RGPD3: variants seen among roughly 807,000 people sequenced by gnomAD.
The protein encoded by RGPD3 is RANBP2 like and GRIP domain containing 3, also known as ranBP2-like and GRIP domain-containing protein 3.
RGPD3 carries 62 observed loss-of-function variants against 154.5 expected under a neutral mutation model. That is an observed-to-expected ratio of 0.40 (90% CI 0.33 to 0.50). The LOEUF (loss-of-function observed/expected upper bound fraction) is 0.50. RGPD3 is among the 20% of genes least tolerant of loss of function. The pLI, the probability that RGPD3 is intolerant of heterozygous loss-of-function variation, is 0.59. For synonymous variants in RGPD3, 308 were observed against 607.0 expected (o/e 0.51, Z 7.24); for missense variants, 919 against 1,716.8 (o/e 0.54, Z 8.21).
In RGPD3 at chr2:106,448,835, C is replaced by T. The variant is rs546972897; in HGVS notation, c.783-1222G>A. Among the ~76,000 whole-genome samples, 6 of 151,440 alleles carry T rather than the reference C, an allele frequency of 4.0e-5. No individual in the cohort carries two copies. In the South Asian group the frequency reaches 6.3e-4, roughly 16 times the overall value. On this transcript the variant is annotated intron_variant, in intron 6 of 22. Transcript: ENST00000409886. ...CCTCCCGAGCAGCTGGGACTATAGGCGCGTACCAACATGCCCAGCTAATTT... is the reference window on the plus strand; with the variant it reads ...CCTCCCGAGCAGCTGGGACTATAGGTGCGTACCAACATGCCCAGCTAATTT...
intron 22 of RGPD3, among the ~76,000 whole-genome samples, chr2:106,409,598 C>A (rs1429439222): frequency 6.6e-6 from 1 of 151,828 alleles, no homozygotes; most frequent in African/African-American, 2.4e-5. Flanking sequence ...TTTTTAGGGG[C>A]AGTTTTACTC....
chr2:106,410,963 A>G (rs1676652585), intron 22 of RGPD3, among the ~76,000 whole-genome samples: 1 of 151,518 alleles, frequency 6.6e-6, no homozygotes. Context: ...ATTATAAAAA[A>G]CCAGATTCAA....
intron 22 of RGPD3, among the ~76,000 whole-genome samples, chr2:106,411,599 T>G (rs554597188): frequency 6.7e-6 from 1 of 150,182 alleles, no homozygotes; most frequent in Non-Finnish European, 1.5e-5. Flanking sequence ...GAGGCCAAGG[T>G]GGGCAGATCA....
chr2:106,450,024 A>T (rs1330148556), intron 6 of RGPD3, among the ~76,000 whole-genome samples: 2 of 148,248 alleles, frequency 1.3e-5, no homozygotes, highest in Non-Finnish European at 3.0e-5. Flanking sequence ...CTCAAAAAAA[A>T]AAAGATCGAG....
At chr2:106,407,433 C>G (rs1429207990) in intron 22 of RGPD3, among the ~76,000 whole-genome samples, 1 of 152,056 alleles carries the variant, frequency 6.6e-6, no homozygotes, top group Non-Finnish European at 1.5e-5. Flanking sequence ...ATCTGAAGAA[C>G]TTCTAGAAAG....
chr2:106,410,892 T>C (rs74904008), intron 22 of RGPD3, among the ~76,000 whole-genome samples: 8,617 of 152,100 alleles, frequency 0.057, 350 homozygotes, highest in Non-Finnish European at 0.083. Flanking sequence ...ACCTATCCTA[T>C]AGTTTGAAGA....
intron 1 of RGPD3, among the ~76,000 whole-genome samples, chr2:106,461,954 C>T (rs1259478529): frequency 6.6e-6 from 1 of 151,936 alleles, no homozygotes; most frequent in African/African-American, 2.4e-5. Flanking sequence ...TGCTCTGTCA[C>T]CAGGCTGGAG....
rs555886317 is a variant in RGPD3, at chr2:106,450,231, T to A, written c.782+1974A>T. 8.2e-4 allele frequency among the ~76,000 whole-genome samples: 75 copies of A among 91,146 alleles called. 2 individuals carry two copies. The highest frequency in any genetic ancestry group is 2.6e-3 in the African/African-American group (71 of 27,344). 59.8% of individuals were successfully genotyped at this position (91,146 alleles called of 152,430 possible). A position where few individuals can be genotyped will look rare whatever the true frequency, so the allele number is the denominator to read the frequency against. On this transcript the variant is annotated intron_variant, in intron 6 of 22. Coordinates refer to ENST00000409886, the MANE Select transcript of RGPD3 (RefSeq NM_001144013.2). ...CGTCTCTACTAAAAATACAAAAAAA[T>A]TAGCCGAGCGTGGTGGTGGGCGCCT...
intron 7 of RGPD3, among the ~76,000 whole-genome samples, chr2:106,442,590 C>A (rs1573279923): frequency 8.3e-6 from 1 of 120,664 alleles, no homozygotes; most frequent in South Asian, 2.8e-4. Context: ...AAGAAATCAT[C>A]AAAAGAAGAA....
At chr2:106,450,342 T>G (rs1289349415) in intron 6 of RGPD3, among the ~76,000 whole-genome samples, 5 of 105,474 alleles carry the variant, frequency 4.7e-5, no homozygotes, top group Admixed American at 1.1e-4. Context: ...GGCCCATGAG[T>G]CCTGATTAAC....
chr2:106,464,312 G>C (rs1195941723), intron 1 of RGPD3, among the ~76,000 whole-genome samples: 1 of 141,520 alleles, frequency 7.1e-6, no homozygotes, highest in Non-Finnish European at 1.5e-5. Context: ...CTGCACTCCA[G>C]CCTGGACGAT....
intron 7 of RGPD3, among the ~76,000 whole-genome samples, chr2:106,446,808 G>A (rs1444346935): frequency 6.6e-6 from 1 of 151,922 alleles, no homozygotes; most frequent in East Asian, 1.9e-4. Context: ...CTTGAACCCA[G>A]GAGGTGGAGG....
intron 8 of RGPD3, among the ~76,000 whole-genome samples, chr2:106,440,457 C>T (rs945604595): frequency 6.6e-6 from 1 of 151,288 alleles, no homozygotes; most frequent in African/African-American, 2.5e-5. Context: ...ACTGTGACAC[C>T]ATGCAAAGGC....
At position 106,415,904 on chromosome 2, in the gene RGPD3, G is replaced by T; in HGVS notation, c.5010C>A (p.Asn1670Lys). Residue 1670 changes from asparagine to lysine, a missense_variant, in exon 21 of 23, where the codon AAC becomes AAA. By Grantham distance (94) the Asn-to-Lys change is moderately conservative. Transcript: ENST00000409886. ...TTGCCTCTATTTCCCGAAGCAGGCC[G>T]TTTAAGTGATCTGCACTTTTTGTGG... ...SSTTKSADHL[N>K]GLLREIEATN... 6.2e-7 allele frequency: 1 copy of T among 1,611,820 alleles called. No homozygotes were observed. Among genetic ancestry groups the T allele is most frequent in the East Asian group, 2.2e-5 (1 of 44,850 alleles).
rs780847939 is a variant in RGPD3 at position 106,468,310 on chromosome 2, G to C, written c.-22C>G. 2.5e-6 allele frequency: 4 copies of C among 1,594,682 alleles called. No individual in the cohort carries two copies. The highest frequency in any genetic ancestry group is 2.6e-6 in the Non-Finnish European group (3 of 1,172,014). On this transcript the variant is annotated 5_prime_UTR_variant, in exon 1 of 23. Coordinates refer to ENST00000409886, the MANE Select transcript of RGPD3 (RefSeq NM_001144013.2). ...TCATCGCGCCACCAACCTGGCTCCC[G>C]AGATGCGTGAGACCAGCGCTCAGCC...
At chr2:106,441,486 T>G (rs1677740306) in intron 7 of RGPD3, 106 bp from the exon 8 acceptor site, 8 of 923,458 alleles carry the variant, frequency 8.7e-6, no homozygotes, top group Non-Finnish European at 1.3e-5. Context: ...GAATGAACAG[T>G]TAACCATTAA....
At chr2:106,442,022 GT>G (rs960340538) in intron 7 of RGPD3, among the ~76,000 whole-genome samples, 3 of 116,134 alleles carry the variant, frequency 2.6e-5, no homozygotes, top group South Asian at 3.1e-4. Flanking sequence ...TCTAAAAAAA[GT>G]TTTTTTTAAT....
At chr2:106,468,539 C>T (rs1678724432), upstream of RGPD3, among the ~76,000 whole-genome samples, 1 of 152,204 alleles carries the variant, frequency 6.6e-6, no homozygotes, top group African/African-American at 2.4e-5. Context: ...GGCGCCGTGG[C>T]TCACGCCTGT....
At chr2:106,470,890 T>C (rs1383923457), upstream of RGPD3, 8 of 1,594,388 alleles carry the variant, frequency 5.0e-6, no homozygotes, top group Non-Finnish European at 6.8e-6. Context: ...GTGTTGGACA[T>C]CGTCAGAGAG....
Sources: gnomAD v4.1 joint callset for allele counts (sites outside exome capture counted in the v4.1 genomes callset) on GRCh38, gnomAD v4.1.1 for gene constraint, MANE v1.5 for transcripts, NCBI Gene and HGNC (gene_info 2026-07-23, HGNC 2026-07-21) for gene names.